DDX10: variants seen among roughly 807,000 people sequenced by gnomAD.
DDX10 encodes the protein probable ATP-dependent RNA helicase DDX10.
A neutral mutation model predicts 104.3 loss-of-function variants in DDX10; 74 were observed. The ratio of observed to expected loss-of-function variants is 0.71; its 90% CI spans 0.59 to 0.86. DDX10 has a LOEUF of 0.86. Ranked by LOEUF, DDX10 falls within the 40% of genes least tolerant of loss-of-function variation. The probability of loss-of-function intolerance (pLI) is 0.00; values close to 1 mark genes in which losing one functional copy is unlikely to be tolerated. For synonymous variants in DDX10, 351 were observed against 353.4 expected, an observed-to-expected ratio of 0.99 and a Z score of 0.08; for missense variants, 952 against 1,040.0, an observed-to-expected ratio of 0.92 and a Z score of 1.16.
At chr11:108,781,309 T>C (rs1468409360) in intron 13 of DDX10, among the ~76,000 whole-genome samples, 1 of 152,194 alleles carries the variant, frequency 6.6e-6, no homozygotes, top group Non-Finnish European at 1.5e-5. Context: ...AGTACACCAT[T>C]GATGGGGACC....
chr11:108,767,210 A>G (rs1327463343), intron 13 of DDX10: 1 of 152,222 alleles, frequency 6.6e-6, no homozygotes, highest in Non-Finnish European at 1.5e-5. Context: ...GGAAGTCAGC[A>G]TTGGGATTAC....
chr11:108,822,418 C>G (rs556774482), intron 13 of DDX10: 1 of 396,838 alleles, frequency 2.5e-6, no homozygotes, highest in Admixed American at 2.6e-5. Context: ...CATTTTTGTT[C>G]CAGGGATGTT....
intron 16 of DDX10, among the ~76,000 whole-genome samples, chr11:108,902,166 A>G (rs560863196): frequency 2.8e-4 from 43 of 152,302 alleles, no homozygotes; most frequent in African/African-American, 1.0e-3. Flanking sequence ...CAAAGAATTT[A>G]CTGGGGGTTG....
At chr11:108,935,517 A>G (rs1040344040) in intron 17 of DDX10, among the ~76,000 whole-genome samples, 1 of 152,190 alleles carries the variant, frequency 6.6e-6, no homozygotes, top group African/African-American at 2.4e-5. Context: ...CAAAAGAGAA[A>G]TGTTATACAT....
intron 13 of DDX10, among the ~76,000 whole-genome samples, chr11:108,727,524 T>C (rs1328080567): frequency 6.6e-6 from 1 of 152,176 alleles, no homozygotes; most frequent in Non-Finnish European, 1.5e-5. Flanking sequence ...TGTTGTCTTT[T>C]GTTTACTCAA....
At chr11:108,833,954 C>G (rs577094435) in intron 13 of DDX10, among the ~76,000 whole-genome samples, 3 of 152,160 alleles carry the variant, frequency 2.0e-5, no homozygotes, top group Non-Finnish European at 4.4e-5. Context: ...GTATTTCTCT[C>G]TGTCTTTCTT....
chr11:108,750,452 T>C (rs1255550236), intron 13 of DDX10, among the ~76,000 whole-genome samples: 1 of 152,152 alleles, frequency 6.6e-6, no homozygotes, highest in Non-Finnish European at 1.5e-5. Context: ...ACTCACACAA[T>C]TATGCTGTAA....
At chr11:108,690,519 G>T in intron 7 of DDX10, 1 of 155,642 alleles carries the variant, frequency 6.4e-6, no homozygotes, top group South Asian at 1.7e-4. Context: ...GTAGCCTCTT[G>T]GCACAAGGAC....
chr11:108,789,693 A>G (rs1409280746), intron 13 of DDX10, among the ~76,000 whole-genome samples: 1 of 152,210 alleles, frequency 6.6e-6, no homozygotes, highest in Non-Finnish European at 1.5e-5. Context: ...GCCAGGGATA[A>G]CATGTAGGAT....
chr11:108,692,637 A>G (rs74604874), intron 8 of DDX10, among the ~76,000 whole-genome samples: 1,552 of 152,332 alleles, frequency 0.01, 22 homozygotes, highest in African/African-American at 0.036. Context: ...AATTTGAAGC[A>G]TAAACAAAAG....
At chr11:108,756,061 A>C (rs915860620) in intron 13 of DDX10, among the ~76,000 whole-genome samples, 4 of 151,928 alleles carry the variant, frequency 2.6e-5, no homozygotes, top group African/African-American at 9.7e-5. Flanking sequence ...TCATGTCAGC[A>C]GCTGAATCTT....
At chr11:108,745,136 CTTCTCCT>C in intron 13 of DDX10, among the ~76,000 whole-genome samples, 1 of 132,082 alleles carries the variant, frequency 7.6e-6, no homozygotes, top group Admixed American at 7.7e-5. Flanking sequence ...CCCCTTCTCC[CTTCTCCT>C]TCCACTCACT....
rs1863294406 is a variant in DDX10, at chr11:108,886,177, A to AT, written c.2305-31695dup. Among the ~76,000 whole-genome samples the AT allele has an allele frequency of 2.0e-5, 3 of 152,324 alleles. No homozygotes were observed. In the South Asian group the frequency reaches 6.2e-4, roughly 32 times the overall value. ...TGATTCATTCTCCTCTGATATCTGC[A>AT]TACCACTTGTTGGCTTCTGTAGGTG... is the stretch of plus-strand genomic sequence containing the variant. On this transcript the variant is annotated intron_variant, in intron 16 of 17. Coordinates refer to ENST00000322536, the MANE Select transcript of DDX10 (RefSeq NM_004398.4).
At chr11:108,767,268 A>G (rs2094357506) in intron 13 of DDX10, 1 of 152,246 alleles carries the variant, frequency 6.6e-6, no homozygotes, top group African/African-American at 2.4e-5. Context: ...ATAAAAGTGC[A>G]TCTGTGCTAA....
chr11:108,820,419 C>T (rs1481256090), intron 13 of DDX10, among the ~76,000 whole-genome samples: 1 of 152,210 alleles, frequency 6.6e-6, no homozygotes, highest in East Asian at 1.9e-4. Flanking sequence ...TCTTATTCCA[C>T]ATAGGAGGTT....
intron 9 of DDX10, among the ~76,000 whole-genome samples, chr11:108,695,115 G>A (rs2094257929): frequency 6.6e-6 from 1 of 152,068 alleles, no homozygotes; most frequent in Non-Finnish European, 1.5e-5. Context: ...TCTTGTTTTT[G>A]TCTTAGTAAT....
intron 13 of DDX10, among the ~76,000 whole-genome samples, chr11:108,775,520 T>A (rs2094368757): frequency 6.6e-6 from 1 of 152,214 alleles, no homozygotes; most frequent in Non-Finnish European, 1.5e-5. Flanking sequence ...TTTGATTAAT[T>A]GCATCATCTC....
At chr11:108,812,344 G>A (rs1862193934) in intron 13 of DDX10, among the ~76,000 whole-genome samples, 1 of 152,100 alleles carries the variant, frequency 6.6e-6, no homozygotes, top group Non-Finnish European at 1.5e-5. Flanking sequence ...ATTGATATAT[G>A]TAGTAAGTTA....
chr11:108,853,059 G>A (rs1473810638), intron 16 of DDX10, among the ~76,000 whole-genome samples: 1 of 152,056 alleles, frequency 6.6e-6, no homozygotes, highest in Non-Finnish European at 1.5e-5. Flanking sequence ...TCTGAAGTGG[G>A]AAGCAATTAT....
Sources: gnomAD v4.1 joint callset for allele counts (sites outside exome capture counted in the v4.1 genomes callset) on GRCh38, gnomAD v4.1.1 for gene constraint, MANE v1.5 for transcripts, NCBI Gene and HGNC (gene_info 2026-07-23, HGNC 2026-07-21) for gene names.